GRK3: variants seen among roughly 807,000 people sequenced by gnomAD.
GRK3 encodes the protein G protein-coupled receptor kinase 3.
Under a neutral mutation model 95.7 loss-of-function variants are expected in GRK3, and 54 were observed. The observed-to-expected ratio is 0.56, with a 90% CI of 0.45 to 0.71. The LOEUF (loss-of-function observed/expected upper bound fraction) is 0.71. Ranked by LOEUF, GRK3 falls within the 30% of genes least tolerant of loss-of-function variation. GRK3 has a pLI of 0.00. For synonymous variants in GRK3, 281 were observed against 290.8 expected (o/e 0.97, Z 0.34); for missense variants, 649 against 851.2 (o/e 0.76, Z 2.96).
intron 3 of GRK3, chr22:25,647,761 G>A: frequency 9.8e-7 from 1 of 1,024,038 alleles, no homozygotes; most frequent in South Asian, 1.3e-5. Flanking sequence ...GGGGAGAAAA[G>A]ATGCTGAAAG....
chr22:25,651,456 A>T (rs945582066), intron 3 of GRK3, among the ~76,000 whole-genome samples: 12 of 152,230 alleles, frequency 7.9e-5, no homozygotes, highest in Non-Finnish European at 1.8e-4. Context: ...TGGTTCTCGT[A>T]CTAAAAACTG....
chr22:25,698,273 A>AGAAG (rs541892462), intron 13 of GRK3, among the ~76,000 whole-genome samples: 17 of 151,480 alleles, frequency 1.1e-4, no homozygotes, highest in Admixed American at 3.3e-4. Context: ...AGGGAGAGAA[A>AGAAG]GAAGGAAGGA....
chr22:25,595,508 G>A (rs2084366534), intron 1 of GRK3, among the ~76,000 whole-genome samples: 1 of 152,022 alleles, frequency 6.6e-6, no homozygotes, highest in Non-Finnish European at 1.5e-5. Flanking sequence ...AAACATGCAA[G>A]ATATTAAAAA....
chr22:25,621,094 A>T (rs534280531), intron 2 of GRK3, among the ~76,000 whole-genome samples: 1 of 152,272 alleles, frequency 6.6e-6, no homozygotes, highest in Non-Finnish European at 1.5e-5. Context: ...ACTAGACCCA[A>T]TAAAAAGTCC....
chr22:25,703,556 G>C lies in GRK3; in HGVS notation c.1207G>C (p.Asp403His). The C allele has an allele frequency of 6.2e-7, 1 of 1,612,994 alleles. No homozygotes were observed. Among genetic ancestry groups the C allele is most frequent in the Non-Finnish European group, 8.5e-7 (1 of 1,179,222 alleles). The change falls in exon 14 of 21, where the codon GAC (aspartate) becomes CAC (histidine). Residue 403 changes from aspartate to histidine, a missense_variant. Physicochemically the swap from Asp to His is moderately conservative, Grantham distance 81. Around this residue, in one of 3 missense-constraint regions of GRK3, gnomAD observed 382 missense variants for 493.8 expected, o/e 0.77. Transcript: ENST00000324198. ...QHKTKDKHEI[D>H]RMTLTVNVEL... Reference sequence around the variant, plus strand: ...TAAAACCAAAGACAAGCATGAAATTGACCGAATGACACTCACCGTGGTAAG... The same window carrying C: ...TAAAACCAAAGACAAGCATGAAATTCACCGAATGACACTCACCGTGGTAAG...
intron 3 of GRK3, among the ~76,000 whole-genome samples, chr22:25,653,760 G>A (rs1318889364): frequency 2.6e-5 from 4 of 151,938 alleles, no homozygotes; most frequent in Admixed American, 1.3e-4. Flanking sequence ...ACATGATCTC[G>A]GCTCACTGCA....
chr22:25,606,040 C>T (rs202179573), intron 2 of GRK3, among the ~76,000 whole-genome samples: 3 of 126,778 alleles, frequency 2.4e-5, no homozygotes, highest in Non-Finnish European at 3.5e-5. Flanking sequence ...TACAGCCCCC[C>T]AAACATGTAT....
intron 3 of GRK3, chr22:25,648,174 A>G (rs2084800536): frequency 1.4e-6 from 1 of 706,082 alleles, no homozygotes; most frequent in Non-Finnish European, 2.6e-6. Context: ...CGAAACTACT[A>G]AAGGTGCTTA....
chr22:25,596,186 ACTT>A (rs1394782930), intron 1 of GRK3, among the ~76,000 whole-genome samples: 2 of 152,236 alleles, frequency 1.3e-5, no homozygotes, highest in Non-Finnish European at 2.9e-5. Context: ...CTTCTGGAAC[ACTT>A]CTTCAAGAGT....
At chr22:25,682,580 AT>A (rs2085083056) in intron 9 of GRK3, among the ~76,000 whole-genome samples, 1 of 152,196 alleles carries the variant, frequency 6.6e-6, no homozygotes, top group African/African-American at 2.4e-5. Context: ...GAATTTAATA[AT>A]TTTTTGTGTT....
At chr22:25,602,605 C>A (rs1327196345) in intron 1 of GRK3, among the ~76,000 whole-genome samples, 2 of 152,142 alleles carry the variant, frequency 1.3e-5, no homozygotes, top group Non-Finnish European at 2.9e-5. Context: ...AATATTCATA[C>A]AATGGCATGC....
In GRK3 at chr22:25,728,269, G is replaced by A. The variant is rs561604189; in HGVS notation, c.*5819G>A. On this transcript the variant is annotated 3_prime_UTR_variant, in exon 21 of 21. Coordinates refer to ENST00000324198, the MANE Select transcript of GRK3 (RefSeq NM_005160.4). ...GAGGCGCATGCATGTCTTTCGTCACGTCGGGCAGCACACCTGCTGTGAAAT... is the reference window on the plus strand; with the variant it reads ...GAGGCGCATGCATGTCTTTCGTCACATCGGGCAGCACACCTGCTGTGAAAT... 2.0e-5 allele frequency: 3 copies of A among 152,318 alleles called. No individual in the cohort carries two copies. The highest frequency in any genetic ancestry group is 6.5e-5 in the Admixed American group (1 of 15,296). 9.4% of individuals were successfully genotyped at this position (152,318 alleles called of 1,614,324 possible). A position where few individuals can be genotyped will look rare whatever the true frequency, so the allele number is the denominator to read the frequency against.
intron 1 of GRK3, among the ~76,000 whole-genome samples, chr22:25,592,642 T>C (rs1237885871): frequency 1.3e-5 from 2 of 152,232 alleles, no homozygotes; most frequent in East Asian, 3.8e-4. Context: ...AATTACTTTT[T>C]AGAAACAATA....
intron 1 of GRK3, among the ~76,000 whole-genome samples, chr22:25,586,606 C>T (rs1828636619): frequency 1.3e-5 from 2 of 152,292 alleles, no homozygotes; most frequent in Admixed American, 6.5e-5. Context: ...TGGGAGGGCT[C>T]ACCTCTGCAG....
Position 25,565,010 on chromosome 22 carries a change from A to ACCGCCGCCG in GRK3, c.-22_-14dup. ...GCGCGTCCCGTCCAGGTCCGGAGTA[A>ACCGCCGCCG]CCGCCGCCGCCGCCGCCAAAGCTCG... is the stretch of plus-strand genomic sequence containing the variant. On this transcript the variant is annotated 5_prime_UTR_variant, in exon 1 of 21. Coordinates refer to ENST00000324198, the MANE Select transcript of GRK3 (RefSeq NM_005160.4). 15 of 1,212,854 alleles carry ACCGCCGCCG rather than the reference A, an allele frequency of 1.2e-5. No homozygotes were observed. Among genetic ancestry groups the ACCGCCGCCG allele is most frequent in the Non-Finnish European group, 1.5e-5 (14 of 904,940 alleles). 75.1% of individuals were successfully genotyped at this position (1,212,854 alleles called of 1,614,324 possible). A position where few individuals can be genotyped will look rare whatever the true frequency, so the allele number is the denominator to read the frequency against.
At chr22:25,624,150 T>C (rs1174806783) in intron 2 of GRK3, among the ~76,000 whole-genome samples, 4 of 152,128 alleles carry the variant, frequency 2.6e-5, no homozygotes, top group African/African-American at 9.7e-5. Context: ...CAGCGTTCAT[T>C]GTGAACATGC....
Position 25,611,831 on chromosome 22 carries a change from C to CTT in GRK3, c.190+7396_190+7397dup, listed in dbSNP as rs752711382. On this transcript the variant is annotated intron_variant, in intron 2 of 20. Transcript: ENST00000324198. ...TCTTTTATGACTCATAGTTTAGTGT[C>CTT]TTTTTTTTTTTTTTTTTTTGAGATG... Among the ~76,000 whole-genome samples, 483 of 118,770 alleles carry CTT rather than the reference C, an allele frequency of 4.1e-3. 12 individuals carry two copies. Among genetic ancestry groups the CTT allele is most frequent in the African/African-American group, 0.012 (381 of 31,366 alleles). 77.9% of individuals were successfully genotyped at this position (118,770 alleles called of 152,430 possible).
rs564289109 is a variant in GRK3, at chr22:25,642,516, A to T, written c.191-2076A>T. 2.0e-5 allele frequency among the ~76,000 whole-genome samples: 3 copies of T among 152,290 alleles called. No individual in the cohort carries two copies. The South Asian group carries it at 6.2e-4, about 32-fold the overall frequency. Reference sequence around the variant, plus strand: ...TTATTTCTATGGATTTAGGGGGTACAAGTGCAATTTTGTTACCTAGATACA... The same window carrying T: ...TTATTTCTATGGATTTAGGGGGTACTAGTGCAATTTTGTTACCTAGATACA... On this transcript the variant is annotated intron_variant, in intron 2 of 20. Transcript: ENST00000324198.
intron 2 of GRK3, 77 bp from the exon 3 acceptor site, chr22:25,644,515 A>G: frequency 3.0e-6 from 2 of 672,156 alleles, no homozygotes; most frequent in Non-Finnish European, 5.1e-6. Flanking sequence ...GTATAAACAC[A>G]TTGCTTTGAA....
Sources: gnomAD v4.1 joint callset for allele counts (sites outside exome capture counted in the v4.1 genomes callset) on GRCh38, gnomAD v4.1.1 for gene constraint, gnomAD v4.1.1 regional missense constraint, MANE v1.5 for transcripts, NCBI Gene and HGNC (gene_info 2026-07-23, HGNC 2026-07-21) for gene names.